The following KIAA1328 variants were observed in gnomAD, a reference collection of about 807,000 sequenced individuals.
KIAA1328 encodes protein hinderin.
A neutral mutation model predicts 68.1 loss-of-function variants in KIAA1328; 52 were observed. That is an observed-to-expected ratio of 0.76 (90% CI 0.61 to 0.96). The LOEUF is 0.96. Among genes scored for constraint, KIAA1328 ranks in the 40% least tolerant of loss-of-function variants. The pLI is 0.00. For missense variants in KIAA1328, 641 were observed against 677.6 expected (o/e 0.95, Z 0.60); for synonymous variants, 232 against 239.4 (o/e 0.97, Z 0.28).
chr18:37,064,500 C>G (rs939099296), intron 6 of KIAA1328, among the ~76,000 whole-genome samples: 3 of 149,912 alleles, frequency 2.0e-5, no homozygotes, highest in African/African-American at 7.4e-5. Context: ...TTTTAAATTA[C>G]TTTTTATTTA....
intron 9 of KIAA1328, among the ~76,000 whole-genome samples, chr18:37,212,867 C>T (rs1421233973): frequency 6.6e-6 from 1 of 152,092 alleles, no homozygotes; most frequent in African/African-American, 2.4e-5. Flanking sequence ...ACTACAGGCA[C>T]GAGCCCCCAC....
At chr18:37,194,241 G>A (rs2059961836) in intron 9 of KIAA1328, among the ~76,000 whole-genome samples, 1 of 152,156 alleles carries the variant, frequency 6.6e-6, no homozygotes. Flanking sequence ...ATATTTGAAA[G>A]TGTCTATTTT....
intron 4 of KIAA1328, among the ~76,000 whole-genome samples, chr18:36,877,781 C>T (rs145352364): frequency 0.14 from 20,575 of 151,164 alleles, 1,738 homozygotes; most frequent in Admixed American, 0.18. Flanking sequence ...ATTCTCCTGC[C>T]TCAGCCTCCC....
chr18:36,899,215 A>C (rs1291018516), intron 5 of KIAA1328, among the ~76,000 whole-genome samples: 1 of 151,832 alleles, frequency 6.6e-6, no homozygotes, highest in Admixed American at 6.6e-5. Flanking sequence ...TGCTTTTACT[A>C]ATCATGAATG....
At chr18:36,837,638 T>A (rs2046723592) in intron 3 of KIAA1328, among the ~76,000 whole-genome samples, 1 of 152,122 alleles carries the variant, frequency 6.6e-6, no homozygotes, top group African/African-American at 2.4e-5. Flanking sequence ...TGCTTTGGTG[T>A]CATATCTGAG....
chr18:36,933,951 A>G (rs968418232), intron 5 of KIAA1328, among the ~76,000 whole-genome samples: 1 of 152,144 alleles, frequency 6.6e-6, no homozygotes, highest in Non-Finnish European at 1.5e-5. Flanking sequence ...GCCTGTGGCC[A>G]TTTTACACTG....
chr18:36,963,717 C>G (rs560314388), intron 6 of KIAA1328, among the ~76,000 whole-genome samples: 2 of 152,254 alleles, frequency 1.3e-5, no homozygotes, highest in South Asian at 2.1e-4. Context: ...GTTACATGTT[C>G]TATTTATGTA....
chr18:37,045,281 C>G (rs1162213806), intron 6 of KIAA1328, among the ~76,000 whole-genome samples: 2 of 152,176 alleles, frequency 1.3e-5, no homozygotes, highest in Admixed American at 1.3e-4. Flanking sequence ...ACACTTGTAG[C>G]CTTACCAAGC....
At chr18:36,905,778 T>C (rs1038855973) in intron 5 of KIAA1328, among the ~76,000 whole-genome samples, 3 of 152,158 alleles carry the variant, frequency 2.0e-5, no homozygotes, top group African/African-American at 7.2e-5. Context: ...ATTATCATGA[T>C]GGCAGATGGA....
At chr18:36,925,647 C>T (rs988716755) in intron 5 of KIAA1328, among the ~76,000 whole-genome samples, 8 of 151,768 alleles carry the variant, frequency 5.3e-5, no homozygotes, top group African/African-American at 1.7e-4. Flanking sequence ...AAGCAATCCT[C>T]GCACCTCAGC....
At chr18:36,913,020 G>T (rs908608112) in intron 5 of KIAA1328, among the ~76,000 whole-genome samples, 1 of 152,132 alleles carries the variant, frequency 6.6e-6, no homozygotes, top group Non-Finnish European at 1.5e-5. Flanking sequence ...CCACACTTGT[G>T]GGCTCAGGGC....
At chr18:37,062,183 A>G (rs2056172339) in intron 6 of KIAA1328, among the ~76,000 whole-genome samples, 1 of 152,148 alleles carries the variant, frequency 6.6e-6, no homozygotes, top group African/African-American at 2.4e-5. Flanking sequence ...TGCAAACTCA[A>G]CTTTAGCAAA....
intron 6 of KIAA1328, among the ~76,000 whole-genome samples, chr18:36,967,041 T>A (rs1461230275): frequency 1.3e-5 from 2 of 152,194 alleles, no homozygotes; most frequent in Non-Finnish European, 2.9e-5. Context: ...GTATAGTAGG[T>A]AGAATTTTAA....
chr18:36,893,845 A>G (rs980024988), intron 5 of KIAA1328, among the ~76,000 whole-genome samples: 3 of 152,136 alleles, frequency 2.0e-5, no homozygotes, highest in African/African-American at 7.2e-5. Context: ...CTGCCCACTT[A>G]GATATATCTC....
intron 6 of KIAA1328, among the ~76,000 whole-genome samples, chr18:36,969,797 A>T (rs1598852229): frequency 6.6e-6 from 1 of 152,286 alleles, no homozygotes; most frequent in East Asian, 1.9e-4. Context: ...GGCCAACATT[A>T]TCCTGATACC....
At chr18:37,191,737 C>T (rs1430356254) in intron 9 of KIAA1328, among the ~76,000 whole-genome samples, 1 of 152,150 alleles carries the variant, frequency 6.6e-6, no homozygotes, top group Non-Finnish European at 1.5e-5. Flanking sequence ...TGTATTAACC[C>T]AAACGTACAG....
At chr18:37,203,483 A>G (rs149513443) in intron 9 of KIAA1328, among the ~76,000 whole-genome samples, 150 of 152,298 alleles carry the variant, frequency 9.8e-4, no homozygotes, top group Admixed American at 2.2e-3. Flanking sequence ...CTTTTCTTAT[A>G]TATTCTGTAT....
chr18:37,050,904 G>A, intron 6 of KIAA1328, among the ~76,000 whole-genome samples: 1 of 152,176 alleles, frequency 6.6e-6, no homozygotes, highest in Middle Eastern at 3.4e-3. Context: ...TTGATGTACA[G>A]CAACTTAATC....
At chr18:37,082,150 T>G (rs981681571) in intron 7 of KIAA1328, among the ~76,000 whole-genome samples, 4 of 150,912 alleles carry the variant, frequency 2.7e-5, no homozygotes, top group Non-Finnish European at 5.9e-5. Flanking sequence ...AAGCTTGTCA[T>G]TTACCTGCCC....
Sources: allele counts gnomAD v4.1 joint callset (sites outside exome capture counted in the v4.1 genomes callset), GRCh38; gene constraint gnomAD v4.1.1; transcripts MANE v1.5; gene names NCBI Gene and HGNC (gene_info 2026-07-23, HGNC 2026-07-21).